The following PURG variants were observed in gnomAD, a reference collection of about 807,000 sequenced individuals.
PURG encodes the protein purine rich element binding protein G.
Under a neutral mutation model 24.3 loss-of-function variants are expected in PURG, and 3 were observed. That is an observed-to-expected ratio of 0.12 (90% CI 0.06 to 0.32). The LOEUF (loss-of-function observed/expected upper bound fraction) is 0.32. Among genes scored for constraint, PURG ranks in the 10% least tolerant of loss-of-function variants. The probability of loss-of-function intolerance (pLI) is 1.00; values close to 1 mark genes in which losing one functional copy is unlikely to be tolerated. For synonymous variants in PURG, 180 were observed against 173.1 expected (o/e 1.04, Z -0.31); for missense variants, 371 against 439.1 (o/e 0.84, Z 1.39).
chr8:30,996,406 G>A, exon 2 of PURG: 1 of 454,802 alleles, frequency 2.2e-6, no homozygotes, highest in Non-Finnish European at 3.9e-6. Flanking sequence ...AGAGTCGAAA[G>A]GTACTTCAAT....
intron 1 of PURG, among the ~76,000 whole-genome samples, chr8:30,999,570 A>G (rs931970610): frequency 6.6e-6 from 1 of 152,008 alleles, no homozygotes. Flanking sequence ...AAAGCCTAGT[A>G]AGAATAATTA....
chr8:31,033,133 A>G lies in PURG; in HGVS notation c.-62T>C. Reference sequence around the variant, plus strand: ...GCCCTTCACGACCACCGCCGCCGCCACCGCCAGCTCTCGGCCCCTCTGCTG... The same window carrying G: ...GCCCTTCACGACCACCGCCGCCGCCGCCGCCAGCTCTCGGCCCCTCTGCTG... On this transcript the variant is annotated 5_prime_UTR_variant, in exon 1 of 2. Transcript: ENST00000523392. 4.7e-6 allele frequency: 1 copy of G among 211,028 alleles called. No homozygotes were observed. Among genetic ancestry groups the G allele is most frequent in the Non-Finnish European group, 9.1e-6 (1 of 109,924 alleles). 13.1% of individuals were successfully genotyped at this position (211,028 alleles called of 1,614,324 possible).
At chr8:31,007,583 T>A (rs574450326) in intron 1 of PURG, among the ~76,000 whole-genome samples, 1 of 152,342 alleles carries the variant, frequency 6.6e-6, no homozygotes, top group African/African-American at 2.4e-5. Context: ...ACAGTGGAAG[T>A]ACCACTTAAT....
intron 1 of PURG, among the ~76,000 whole-genome samples, chr8:31,025,702 CTT>C (rs777707970): frequency 6.6e-5 from 10 of 151,564 alleles, no homozygotes; most frequent in Non-Finnish European, 1.0e-4. Flanking sequence ...AAAATGCACT[CTT>C]GATGGGAATG....
chr8:31,024,166 C>T (rs1312494581), intron 1 of PURG, among the ~76,000 whole-genome samples: 1 of 152,140 alleles, frequency 6.6e-6, no homozygotes, highest in African/African-American at 2.4e-5. Flanking sequence ...TAAAGAAATA[C>T]ATACATATTA....
chr8:31,016,317 T>C (rs182827401), intron 1 of PURG, among the ~76,000 whole-genome samples: 3 of 151,444 alleles, frequency 2.0e-5, no homozygotes, highest in Non-Finnish European at 4.4e-5. Context: ...GAGGTGGAGG[T>C]TGCAGTGAGC....
At chr8:31,018,983 G>A (rs945904401) in intron 1 of PURG, among the ~76,000 whole-genome samples, 1 of 149,784 alleles carries the variant, frequency 6.7e-6, no homozygotes, top group African/African-American at 2.4e-5. Flanking sequence ...AAAAAATTAG[G>A]CGTTGTGGCG....
chr8:31,025,564 A>C (rs1311907944), intron 1 of PURG, among the ~76,000 whole-genome samples: 1 of 151,950 alleles, frequency 6.6e-6, no homozygotes. Flanking sequence ...AAAGATATTT[A>C]CAATTGTATT....
chr8:30,996,544 C>A, exon 2 of PURG: 1 of 1,396,276 alleles, frequency 7.2e-7, no homozygotes, highest in East Asian at 2.3e-5. Flanking sequence ...CAGTTCATTT[C>A]TTTCACCGAA....
intron 1 of PURG, among the ~76,000 whole-genome samples, chr8:31,017,199 G>A (rs1189687163): frequency 6.6e-6 from 1 of 151,996 alleles, no homozygotes; most frequent in African/African-American, 2.4e-5. Context: ...TCTCCCTGTA[G>A]ATACAAACAC....
intron 1 of PURG, among the ~76,000 whole-genome samples, chr8:31,018,939 A>G (rs1397089084): frequency 2.7e-5 from 4 of 150,818 alleles, no homozygotes; most frequent in Non-Finnish European, 4.4e-5. Flanking sequence ...CATTCTGGCT[A>G]ACATGGTGAA....
Position 31,032,563 on chromosome 8 carries a change from G to A in PURG, c.220C>T (p.Leu74=), listed in dbSNP as rs761920451. 1 of 1,613,700 alleles carries A rather than the reference G, an allele frequency of 6.2e-7. No individual in the cohort carries two copies. Among genetic ancestry groups the A allele is most frequent in the Non-Finnish European group, 8.5e-7 (1 of 1,179,660 alleles). ...RVDIQKKRFY[L]DVKQSSRGRF... Reference sequence around the variant, plus strand: ...CCCCGGGAGCTTTGCTTCACGTCTAGGTAAAACCTCTTTTTCTGGATGTCC... The same window carrying A: ...CCCCGGGAGCTTTGCTTCACGTCTAAGTAAAACCTCTTTTTCTGGATGTCC... The change falls in exon 2 of 2, where the codon CTA becomes TTA. Residue 74 remains leucine (L), a synonymous_variant. Transcript: ENST00000523392. This position sits in a 1 kb window ranked among gnomAD's most constrained non-coding sequence, Gnocchi z 5.9.
intron 1 of PURG, among the ~76,000 whole-genome samples, chr8:30,998,103 T>C (rs1810464076): frequency 6.6e-6 from 1 of 151,830 alleles, no homozygotes; most frequent in Non-Finnish European, 1.5e-5. Flanking sequence ...GATTTAAAAA[T>C]AAAAACTGTC....
downstream of PURG, among the ~76,000 whole-genome samples, chr8:31,026,651 T>TAA (rs1318467163): frequency 8.3e-6 from 1 of 121,022 alleles, no homozygotes; most frequent in Non-Finnish European, 1.9e-5. Flanking sequence ...TATATATATA[T>TAA]ATATATATAT....
At chr8:31,022,011 C>T (rs952236295) in intron 1 of PURG, among the ~76,000 whole-genome samples, 4 of 148,724 alleles carry the variant, frequency 2.7e-5, no homozygotes, top group Non-Finnish European at 5.9e-5. Flanking sequence ...CACTCCGTTG[C>T]CCAGGCAGGA....
At chr8:31,016,667 G>A (rs1585361283) in intron 1 of PURG, among the ~76,000 whole-genome samples, 1 of 145,296 alleles carries the variant, frequency 6.9e-6, no homozygotes, top group Admixed American at 6.9e-5. Context: ...CAGACCACTT[G>A]TATCAGAATG....
chr8:31,021,991 G>A (rs1330017568), intron 1 of PURG, among the ~76,000 whole-genome samples: 1 of 136,266 alleles, frequency 7.3e-6, no homozygotes, highest in Non-Finnish European at 1.6e-5. Flanking sequence ...TTTTTTTTGA[G>A]ATGGCGTCTC....
chr8:31,016,049 T>G (rs900377231), intron 1 of PURG, among the ~76,000 whole-genome samples: 2 of 151,604 alleles, frequency 1.3e-5, no homozygotes, highest in African/African-American at 4.8e-5. Flanking sequence ...CAAGACCCTG[T>G]CTCAAAAACA....
At chr8:31,000,142 G>T (rs1810509605) in intron 1 of PURG, among the ~76,000 whole-genome samples, 1 of 151,966 alleles carries the variant, frequency 6.6e-6, no homozygotes, top group Admixed American at 6.6e-5. Flanking sequence ...ATAAAGTCCA[G>T]CAAAAAATAT....
Sources: gnomAD v4.1 joint callset for allele counts (sites outside exome capture counted in the v4.1 genomes callset) on GRCh38, gnomAD v4.1.1 for gene constraint, Gnocchi (gnomAD v3.1) non-coding constraint, MANE v1.5 for transcripts, NCBI Gene and HGNC (gene_info 2026-07-23, HGNC 2026-07-21) for gene names.